Variants in MYO16 observed in about 807,000 individuals in gnomAD.
MYO16 encodes unconventional myosin-XVI.
MYO16 carries 94 observed loss-of-function variants against 205.3 expected under a neutral mutation model. The ratio of observed to expected loss-of-function variants is 0.46; its 90% CI spans 0.39 to 0.54. The LOEUF is 0.54. Ranked by LOEUF, MYO16 falls within the 20% of genes least tolerant of loss-of-function variation. The probability of loss-of-function intolerance (pLI) is 0.00; values close to 1 mark genes in which losing one functional copy is unlikely to be tolerated. For missense variants in MYO16, 2,315 were observed against 2,387.5 expected, an observed-to-expected ratio of 0.97 and a Z score of 0.63; for synonymous variants, 988 against 954.0, an observed-to-expected ratio of 1.04 and a Z score of -0.66.
In MYO16 at chr13:109,125,202, A is replaced by G; in HGVS notation, c.3626A>G (p.Asn1209Ser). 6.2e-7 allele frequency: 1 copy of G among 1,614,170 alleles called. No individual in the cohort carries two copies. Among genetic ancestry groups the G allele is most frequent in the South Asian group, 1.1e-5 (1 of 91,082 alleles). The part of the protein sequence containing the change: ...EVTSINSFLQ[N>S]TEDMGLKTYD... ...ACTTCTATCAATAGCTTTCTGCAGA[A>G]CACAGAGGACATGGGGCTGAAAACC... The change falls in exon 30 of 35, where the codon AAC (asparagine) becomes AGC (serine). Residue 1209 changes from asparagine to serine, a missense_variant. By Grantham distance (46) the Asn-to-Ser change is conservative. Around this residue, in one of 3 missense-constraint regions of MYO16, gnomAD observed 1,097 missense variants for 1,092.0 expected, o/e 1.00. Transcript: ENST00000457511. This position sits in a 1 kb window ranked among gnomAD's most constrained non-coding sequence, Gnocchi z 4.0.
At position 108,756,358 on chromosome 13, in the gene MYO16, A is replaced by G. The variant is rs1436126006; in HGVS notation, c.507+28775A>G. ...ACATTGCAGCATTTCATGGGCATCC[A>G]ACACAAATGTGGGCAAATGACATTT... On this transcript the variant is annotated intron_variant, in intron 4 of 34. Coordinates refer to ENST00000457511, the MANE Select transcript of MYO16 (RefSeq NM_001198950.3). 2.6e-5 allele frequency among the ~76,000 whole-genome samples: 4 copies of G among 152,284 alleles called. No individual in the cohort carries two copies. In the East Asian group the frequency reaches 5.8e-4, roughly 22 times the overall value.
intron 1 of MYO16, among the ~76,000 whole-genome samples, chr13:108,603,696 T>A (rs1878849353): frequency 6.6e-6 from 1 of 152,184 alleles, no homozygotes; most frequent in Non-Finnish European, 1.5e-5. Flanking sequence ...AGCAGTTTGG[T>A]GGCTATGATT....
At chr13:108,571,060 T>C in the MYO16 span, among the ~76,000 whole-genome samples, 1 of 152,216 alleles carries the variant, frequency 6.6e-6, no homozygotes, top group East Asian at 1.9e-4. Context: ...TAGATCAGAT[T>C]AGTAGGTTTT....
intron 22 of MYO16, among the ~76,000 whole-genome samples, chr13:109,018,285 A>G (rs1411488676): frequency 6.6e-6 from 1 of 152,206 alleles, no homozygotes; most frequent in Non-Finnish European, 1.5e-5. Flanking sequence ...TTGCCTGGGT[A>G]TCACCAGCAG....
intron 33 of MYO16, among the ~76,000 whole-genome samples, chr13:109,174,746 G>GTT (rs1879084928): frequency 2.6e-5 from 3 of 117,214 alleles, no homozygotes; most frequent in African/African-American, 9.6e-5. Context: ...TTCTTGTCTT[G>GTT]TCTTTTTTTT....
At chr13:108,626,799 C>T (rs1879754358), upstream of MYO16, among the ~76,000 whole-genome samples, 1 of 150,400 alleles carries the variant, frequency 6.6e-6, no homozygotes, top group Admixed American at 6.7e-5. Flanking sequence ...AGAGAAACTC[C>T]ATCTCAAAAG....
At chr13:109,112,947 T>G (rs563288427) in intron 28 of MYO16, among the ~76,000 whole-genome samples, 1 of 152,218 alleles carries the variant, frequency 6.6e-6, no homozygotes, top group East Asian at 1.9e-4. Context: ...TATCTCACAG[T>G]TAAGTTGAAT....
intron 2 of MYO16, among the ~76,000 whole-genome samples, chr13:108,704,662 A>G (rs749648286): frequency 2.0e-5 from 3 of 152,166 alleles, no homozygotes; most frequent in Non-Finnish European, 4.4e-5. Context: ...ACGTTTTACA[A>G]TTGATAAACC....
chr13:108,642,713 C>T (rs1045732570), intron 1 of MYO16, among the ~76,000 whole-genome samples: 5 of 152,188 alleles, frequency 3.3e-5, no homozygotes, highest in South Asian at 4.2e-4. Flanking sequence ...CCACCGTGCC[C>T]GGCCTTTGGG....
chr13:109,132,484 T>C lies in MYO16; in HGVS notation c.4051+4934T>C, dbSNP rs996058259. 3.3e-5 allele frequency among the ~76,000 whole-genome samples: 5 copies of C among 150,838 alleles called. 1 individual carries two copies. The highest frequency in any genetic ancestry group is 2.0e-4 in the Admixed American group (3 of 15,226). ...TTTCTGTCTTCATTCTAGAACAACATGTGTCACATAGTAAGCACTCATCAA... is the reference window on the plus strand; with the variant it reads ...TTTCTGTCTTCATTCTAGAACAACACGTGTCACATAGTAAGCACTCATCAA... On this transcript the variant is annotated intron_variant, in intron 31 of 34. Transcript: ENST00000457511.
chr13:109,107,504 A>G (rs563634919), intron 28 of MYO16, among the ~76,000 whole-genome samples: 1 of 152,294 alleles, frequency 6.6e-6, no homozygotes, highest in African/African-American at 2.4e-5. Context: ...ATAGAAGAGC[A>G]AGGAACTGTT....
At chr13:108,857,238 G>A (rs372158903) in intron 11 of MYO16, among the ~76,000 whole-genome samples, 4 of 152,160 alleles carry the variant, frequency 2.6e-5, no homozygotes, top group East Asian at 1.9e-4. Context: ...TCTGCCTTTA[G>A]AGAATTTATC....
chr13:109,103,339 C>A (rs573089001), intron 28 of MYO16, among the ~76,000 whole-genome samples: 2 of 152,052 alleles, frequency 1.3e-5, no homozygotes, highest in Non-Finnish European at 2.9e-5. Context: ...AAGGTTGTAT[C>A]GGATGGTTAT....
the MYO16 span, among the ~76,000 whole-genome samples, chr13:108,517,620 C>G: frequency 1.3e-5 from 2 of 152,160 alleles, no homozygotes; most frequent in African/African-American, 4.8e-5. Context: ...TCTAATATCC[C>G]AAGTTCATGA....
chr13:108,981,608 C>A (rs1884449790), intron 20 of MYO16, among the ~76,000 whole-genome samples: 1 of 152,228 alleles, frequency 6.6e-6, no homozygotes, highest in Non-Finnish European at 1.5e-5. Context: ...GAAGATGAGA[C>A]AGACACTCGT....
intron 21 of MYO16, among the ~76,000 whole-genome samples, chr13:109,008,400 G>A (rs946993433): frequency 7.0e-6 from 1 of 142,226 alleles, no homozygotes; most frequent in Admixed American, 6.9e-5. Context: ...ACTATCTTGT[G>A]TATGCACTAC....
At chr13:108,605,377 G>T (rs776069653) in intron 1 of MYO16, among the ~76,000 whole-genome samples, 2 of 151,946 alleles carry the variant, frequency 1.3e-5, no homozygotes, top group Non-Finnish European at 2.9e-5. Context: ...CAATGTTGCA[G>T]GGTACTGATA....
At chr13:108,797,245 T>C (rs1379173815) in intron 6 of MYO16, among the ~76,000 whole-genome samples, 1 of 152,220 alleles carries the variant, frequency 6.6e-6, no homozygotes, top group Non-Finnish European at 1.5e-5. Context: ...CTCTTAGCCA[T>C]CTTAATGGAA....
At chr13:109,068,589 A>AT (rs35068937) in intron 27 of MYO16, among the ~76,000 whole-genome samples, 25,240 of 132,246 alleles carry the variant, frequency 0.19, 2,602 homozygotes, top group East Asian at 0.42. Context: ...TAAGCCATGA[A>AT]TTTTTTTTTT....
Sources: gnomAD v4.1 joint callset for allele counts (sites outside exome capture counted in the v4.1 genomes callset) on GRCh38, gnomAD v4.1.1 for gene constraint, gnomAD v4.1.1 regional missense constraint, Gnocchi (gnomAD v3.1) non-coding constraint, MANE v1.5 for transcripts, NCBI Gene and HGNC (gene_info 2026-07-23, HGNC 2026-07-21) for gene names.